Variants in MYL1 observed in about 807,000 individuals in gnomAD.
MYL1 encodes myosin light chain 1.
In MYL1, 16 loss-of-function variants were observed where a neutral mutation model predicts 21.8. The observed-to-expected ratio is 0.74, with a 90% CI of 0.50 to 1.12. The LOEUF is 1.12. Among genes scored for constraint, MYL1 ranks in the 50% most tolerant of loss-of-function variants. The pLI is 0.00. For synonymous variants in MYL1, 99 were observed against 85.2 expected, an observed-to-expected ratio of 1.16 and a Z score of -0.89; for missense variants, 246 against 241.0, an observed-to-expected ratio of 1.02 and a Z score of -0.14.
chr2:210,298,555 C>T lies in MYL1; in HGVS notation c.169G>A (p.Glu57Lys). ...GTTCTGTCAAACAGGAGAAATGCCTCCTTGAATTCTGCAAAAAGCAAGAAG... is the reference window on the plus strand; with the variant it reads ...GTTCTGTCAAACAGGAGAAATGCCTTCTTGAATTCTGCAAAAAGCAAGAAG... ...FSKEQQDEFK[E>K]AFLLFDRTGD... Residue 57 changes from glutamate (E) to lysine (K), a missense_variant, in exon 3 of 7, where the codon GAG (glutamate) becomes AAG (lysine). Glu to Lys is a moderately conservative substitution (Grantham distance 56, BLOSUM62 1). Transcript: ENST00000352451. 6.2e-7 allele frequency: 1 copy of T among 1,613,880 alleles called. No individual in the cohort carries two copies. The highest frequency in any genetic ancestry group is 1.7e-4 in the Middle Eastern group (1 of 6,060).
At chr2:210,306,867 T>C (rs1372358997) in intron 1 of MYL1, among the ~76,000 whole-genome samples, 1 of 152,022 alleles carries the variant, frequency 6.6e-6, no homozygotes, top group Non-Finnish European at 1.5e-5. Context: ...ACTTATCTTC[T>C]CTCTCTTCCT....
intron 1 of MYL1, chr2:210,303,425 T>A: frequency 1.2e-6 from 1 of 854,478 alleles, no homozygotes; most frequent in South Asian, 2.0e-5. Flanking sequence ...TACTAAAGAC[T>A]CATATTGAAT....
intron 5 of MYL1, 32 bp downstream of exon 5, chr2:210,293,691 T>C (rs745679274): frequency 2.5e-6 from 4 of 1,594,554 alleles, no homozygotes; most frequent in Non-Finnish European, 3.4e-6. Flanking sequence ...CAGTTAAGAG[T>C]TGCTGTAACC....
intron 1 of MYL1, among the ~76,000 whole-genome samples, chr2:210,307,274 T>A (rs1690352334): frequency 6.6e-6 from 1 of 152,128 alleles, no homozygotes; most frequent in South Asian, 2.1e-4. Context: ...ATAGAGCACT[T>A]CCCTTGCCTT....
intron 1 of MYL1, among the ~76,000 whole-genome samples, chr2:210,308,671 A>G (rs192309216): frequency 2.0e-5 from 3 of 151,876 alleles, no homozygotes; most frequent in Non-Finnish European, 4.4e-5. Flanking sequence ...GACCTACAGG[A>G]ACTAAGAGAG....
At position 210,314,891 on chromosome 2, in the gene MYL1, C is replaced by T. The variant is rs1690468035; in HGVS notation, c.132+20G>A. ...ATTGAAAGATGTTTCAGTGACCAAACAGTTCATCCATTTAGTTACCTTAAT... is the reference window on the plus strand; with the variant it reads ...ATTGAAAGATGTTTCAGTGACCAAATAGTTCATCCATTTAGTTACCTTAAT... On this transcript the variant is annotated intron_variant, in intron 1 of 6. Coordinates refer to ENST00000352451, the MANE Select transcript of MYL1 (RefSeq NM_079420.3). 1.2e-6 allele frequency: 2 copies of T among 1,613,428 alleles called. No homozygotes were observed. The highest frequency in any genetic ancestry group is 1.7e-6 in the Non-Finnish European group (2 of 1,179,696).
Position 210,293,704 on chromosome 2 carries a change from C to T in MYL1, c.556+19G>A. On this transcript the variant is annotated intron_variant, in intron 5 of 6. Coordinates refer to ENST00000352451, the MANE Select transcript of MYL1 (RefSeq NM_079420.3). ...ATCAGTTAAGAGTTGCTGTAACCAC[C>T]AGTGAGCATTGATTCTACCTTCGTA... 6.2e-7 allele frequency: 1 copy of T among 1,611,066 alleles called. No homozygotes were observed. The highest frequency in any genetic ancestry group is 8.5e-7 in the Non-Finnish European group (1 of 1,177,418).
chr2:210,304,137 G>A (rs186524479), intron 1 of MYL1, among the ~76,000 whole-genome samples: 5 of 152,116 alleles, frequency 3.3e-5, no homozygotes, highest in Non-Finnish European at 7.3e-5. Context: ...TTCTTAGAGC[G>A]CACCCAAGTG....
chr2:210,303,073 A>G (rs2125742204), intron 1 of MYL1: 1 of 460,014 alleles, frequency 2.2e-6, no homozygotes, highest in Non-Finnish European at 3.8e-6. Context: ...GTCTAATAAG[A>G]TACACGGTGT....
chr2:210,303,989 G>T (rs1690302790), intron 1 of MYL1, among the ~76,000 whole-genome samples: 1 of 152,106 alleles, frequency 6.6e-6, no homozygotes, highest in Admixed American at 6.5e-5. Flanking sequence ...AGCAAGTTTT[G>T]GTATTAATGC....
At chr2:210,301,146 A>G (rs1690259347) in intron 2 of MYL1, among the ~76,000 whole-genome samples, 1 of 152,134 alleles carries the variant, frequency 6.6e-6, no homozygotes, top group African/African-American at 2.4e-5. Context: ...GCTATTTGAG[A>G]GGACTGGGAT....
At chr2:210,309,945 A>G (rs1418910870) in intron 1 of MYL1, among the ~76,000 whole-genome samples, 1 of 152,050 alleles carries the variant, frequency 6.6e-6, no homozygotes, top group Non-Finnish European at 1.5e-5. Context: ...ATCAAAATAT[A>G]ATTCTAGAGA....
In MYL1 at chr2:210,296,677, T is replaced by A. The variant is rs556547170; in HGVS notation, c.304+1743A>T. Among the ~76,000 whole-genome samples the A allele has an allele frequency of 4.1e-4, 63 of 152,250 alleles. No homozygotes were observed. In the South Asian group the frequency reaches 0.013, roughly 31 times the overall value. Reference sequence around the variant, plus strand: ...TGGGTGTGGTGGTGCACATCTGTAGTCTTAGTTACTCAGGAGGGACTAGAG... The same window carrying A: ...TGGGTGTGGTGGTGCACATCTGTAGACTTAGTTACTCAGGAGGGACTAGAG... On this transcript the variant is annotated intron_variant, in intron 3 of 6. Coordinates refer to ENST00000352451, the MANE Select transcript of MYL1 (RefSeq NM_079420.3).
chr2:210,309,944 T>C (rs1166530630), intron 1 of MYL1, among the ~76,000 whole-genome samples: 1 of 152,094 alleles, frequency 6.6e-6, no homozygotes, highest in East Asian at 1.9e-4. Flanking sequence ...CATCAAAATA[T>C]AATTCTAGAG....
chr2:210,295,894 A>G (rs1025874421), intron 3 of MYL1, among the ~76,000 whole-genome samples: 6 of 151,820 alleles, frequency 4.0e-5, no homozygotes, highest in Admixed American at 2.6e-4. Context: ...TGCTCACTTT[A>G]TCTCATGCTC....
At chr2:210,310,478 A>C (rs2125744656) in intron 1 of MYL1, among the ~76,000 whole-genome samples, 1 of 152,250 alleles carries the variant, frequency 6.6e-6, no homozygotes, top group African/African-American at 2.4e-5. Context: ...GTCATATTTG[A>C]TGTATGTGTG....
intron 1 of MYL1, among the ~76,000 whole-genome samples, chr2:210,308,262 G>A (rs1464192005): frequency 6.6e-6 from 1 of 151,448 alleles, no homozygotes; most frequent in Non-Finnish European, 1.5e-5. Context: ...ATCTCACAGA[G>A]TTTCTAGGAA....
intron 3 of MYL1, among the ~76,000 whole-genome samples, chr2:210,296,028 A>C (rs1313178726): frequency 1.3e-5 from 2 of 152,126 alleles, no homozygotes; most frequent in East Asian, 1.9e-4. Context: ...AAGAATTTTC[A>C]ACTGTCAAGG....
intron 1 of MYL1, among the ~76,000 whole-genome samples, chr2:210,311,196 A>G (rs1435887129): frequency 6.6e-6 from 1 of 152,062 alleles, no homozygotes. Flanking sequence ...CTTCTAAAGG[A>G]AACTGGATTT....
Sources: gnomAD v4.1 joint callset for allele counts (sites outside exome capture counted in the v4.1 genomes callset) on GRCh38, gnomAD v4.1.1 for gene constraint, MANE v1.5 for transcripts, NCBI Gene and HGNC (gene_info 2026-07-23, HGNC 2026-07-21) for gene names.